The following CSRP2 variants were observed in gnomAD, a reference collection of about 807,000 sequenced individuals.
CSRP2 encodes cysteine and glycine-rich protein 2.
A neutral mutation model predicts 24.6 loss-of-function variants in CSRP2; 18 were observed. The ratio of observed to expected loss-of-function variants is 0.73; its 90% confidence interval spans 0.51 to 1.09. The LOEUF (loss-of-function observed/expected upper bound fraction) is 1.09, where lower values mean the gene tolerates loss of function less well. CSRP2 is among the 50% of genes least tolerant of loss of function. The probability of loss-of-function intolerance (pLI) is 0.00; values close to 1 mark genes in which losing one functional copy is unlikely to be tolerated. For synonymous variants in CSRP2, 87 were observed against 84.3 expected, an observed-to-expected ratio of 1.03 and a Z score of -0.18; for missense variants, 215 against 239.4, an observed-to-expected ratio of 0.90 and a Z score of 0.67.
At chr12:76,862,738 G>A in intron 3 of CSRP2, 1 of 1,319,510 alleles carries the variant, frequency 7.6e-7, no homozygotes, top group African/African-American at 1.5e-5. Context: ...TTTTAAGTTA[G>A]AGAAAAGTGA....
chr12:76,866,599 A>G lies in CSRP2; in HGVS notation c.-1-338T>C, dbSNP rs369457153. Among the ~76,000 whole-genome samples, 20 of 152,298 alleles carry G rather than the reference A, an allele frequency of 1.3e-4. No homozygotes were observed. In the South Asian group the frequency reaches 3.3e-3, roughly 25 times the overall value. Reference sequence around the variant, plus strand: ...AAAGAAGCGTGGGGAGGGGAAAGGCAAGCCTTGTCCCCCTCCCTAATATGC... The same window carrying G: ...AAAGAAGCGTGGGGAGGGGAAAGGCGAGCCTTGTCCCCCTCCCTAATATGC... On this transcript the variant is annotated intron_variant, in intron 1 of 5. Coordinates refer to ENST00000311083, the MANE Select transcript of CSRP2 (RefSeq NM_001321.3).
At chr12:76,871,784 AG>A (rs1953803167) in intron 1 of CSRP2, among the ~76,000 whole-genome samples, 1 of 151,566 alleles carries the variant, frequency 6.6e-6, no homozygotes, top group East Asian at 1.9e-4. Flanking sequence ...AAAAAAGAAA[AG>A]AAACGAAGTT....
chr12:76,872,627 T>G (rs1953811833), intron 1 of CSRP2, among the ~76,000 whole-genome samples: 1 of 152,250 alleles, frequency 6.6e-6, no homozygotes, highest in African/African-American at 2.4e-5. Context: ...CAGCTTTTTC[T>G]TGGGCTACGT....
In CSRP2 at chr12:76,863,348, C is replaced by T; in HGVS notation, c.113-4G>A. 1 of 1,613,590 alleles carries T rather than the reference C, an allele frequency of 6.2e-7. No individual in the cohort carries two copies. Among genetic ancestry groups the T allele is most frequent in the Non-Finnish European group, 8.5e-7 (1 of 1,179,808 alleles). Reference sequence around the variant, plus strand: ...TCTAAATTTTTCCTGCAAACCACTGCAGGGGAAAAAGTTAGACTTTACACA... The same window carrying T: ...TCTAAATTTTTCCTGCAAACCACTGTAGGGGAAAAAGTTAGACTTTACACA... On this transcript the variant is annotated splice_region_variant and splice_polypyrimidine_tract_variant and intron_variant, in intron 2 of 5. Transcript: ENST00000311083.
intron 5 of CSRP2, among the ~76,000 whole-genome samples, 173 bp from the exon 6 acceptor site, chr12:76,859,201 T>G (rs1191424670): frequency 6.6e-6 from 1 of 152,248 alleles, no homozygotes. Context: ...CAAAGACAAG[T>G]CCACACATTC....
At chr12:76,861,733 T>G (rs192488343) in intron 3 of CSRP2, 69 of 152,276 alleles carry the variant, frequency 4.5e-4, no homozygotes, top group African/African-American at 1.6e-3. Context: ...CAAATGGACA[T>G]TGATTCAAAT....
At chr12:76,873,088 T>C (rs1953817696) in intron 1 of CSRP2, among the ~76,000 whole-genome samples, 1 of 152,240 alleles carries the variant, frequency 6.6e-6, no homozygotes, top group Non-Finnish European at 1.5e-5. Flanking sequence ...AACTAAAAGT[T>C]TGGATTGAAT....
At chr12:76,862,775 A>G (rs1953695669) in intron 3 of CSRP2, 5 of 1,395,622 alleles carry the variant, frequency 3.6e-6, no homozygotes, top group Non-Finnish European at 4.6e-6. Context: ...GTTTACATAG[A>G]AGGAGTGACT....
chr12:76,868,372 G>C (rs1310179792), intron 1 of CSRP2, among the ~76,000 whole-genome samples: 1 of 152,124 alleles, frequency 6.6e-6, no homozygotes, highest in African/African-American at 2.4e-5. Context: ...ACTGAATCCT[G>C]GGGCGAGTCT....
intron 1 of CSRP2, among the ~76,000 whole-genome samples, chr12:76,872,483 T>A (rs1224389785): frequency 6.6e-6 from 1 of 152,250 alleles, no homozygotes; most frequent in African/African-American, 2.4e-5. Flanking sequence ...ACCTTTGATA[T>A]GCAAATGCAG....
intron 3 of CSRP2, chr12:76,860,685 T>C (rs1299542096): frequency 3.5e-6 from 1 of 284,616 alleles, no homozygotes; most frequent in Non-Finnish European, 6.6e-6. Context: ...CTAAACAGAA[T>C]TCATTTACTC....
chr12:76,876,504 A>C (rs2137840295), intron 1 of CSRP2, among the ~76,000 whole-genome samples: 1 of 152,316 alleles, frequency 6.6e-6, no homozygotes, highest in South Asian at 2.1e-4. Context: ...AATTCCTTTT[A>C]ATTCTGGGGG....
intron 1 of CSRP2, among the ~76,000 whole-genome samples, chr12:76,873,833 C>T (rs1223776563): frequency 2.6e-5 from 4 of 152,218 alleles, no homozygotes; most frequent in Non-Finnish European, 5.9e-5. Context: ...AACTGCCTTA[C>T]CTCCGTTCCA....
chr12:76,866,127 T>C (rs756376429), intron 2 of CSRP2, 22 bp downstream of exon 2: 2 of 1,565,826 alleles, frequency 1.3e-6, no homozygotes, highest in East Asian at 4.5e-5. Flanking sequence ...CCGTCAAAGG[T>C]GGAGCATGGA....
chr12:76,869,659 C>T (rs1381073978), intron 1 of CSRP2, among the ~76,000 whole-genome samples: 1 of 151,884 alleles, frequency 6.6e-6, no homozygotes, highest in African/African-American at 2.4e-5. Context: ...CAGACAGGAA[C>T]AAAGTCATTC....
Position 76,863,159 on chromosome 12 carries a change from A to G in CSRP2, c.281+17T>C, listed in dbSNP as rs1412061582. On this transcript the variant is annotated intron_variant, in intron 3 of 5. Transcript: ENST00000311083. ...CGCAACTCATTTCTGAAGGTAACCA[A>G]CGGTCTCCCAACTCACCTCTCTGGT... 2.5e-6 allele frequency: 4 copies of G among 1,600,534 alleles called. No individual in the cohort carries two copies. The highest frequency in any genetic ancestry group is 1.3e-5 in the African/African-American group (1 of 74,604).
chr12:76,860,051 C>T (rs1297269424), intron 4 of CSRP2, among the ~76,000 whole-genome samples: 3 of 152,124 alleles, frequency 2.0e-5, no homozygotes, highest in Admixed American at 6.5e-5. Flanking sequence ...TAAAGTTTAA[C>T]CTTCAGGAGT....
chr12:76,874,585 T>C (rs1441514133), intron 1 of CSRP2, among the ~76,000 whole-genome samples: 1 of 152,174 alleles, frequency 6.6e-6, no homozygotes, highest in Non-Finnish European at 1.5e-5. Flanking sequence ...CCAAGTTCAG[T>C]CCGTTAGGTC....
At chr12:76,867,723 T>C (rs1953749025) in intron 1 of CSRP2, among the ~76,000 whole-genome samples, 1 of 152,212 alleles carries the variant, frequency 6.6e-6, no homozygotes, top group African/African-American at 2.4e-5. Context: ...TTAGATAGAC[T>C]GCTTGCCTCT....
Sources: gnomAD v4.1 joint callset for allele counts (sites outside exome capture counted in the v4.1 genomes callset) on GRCh38, gnomAD v4.1.1 for gene constraint, MANE v1.5 for transcripts, NCBI Gene and HGNC (gene_info 2026-07-23, HGNC 2026-07-21) for gene names.